The following THAP12 variants were observed in gnomAD, a reference collection of about 807,000 sequenced individuals.
THAP12 encodes the protein 52 kDa repressor of the inhibitor of the protein kinase.
In THAP12, 20 loss-of-function variants were observed where a neutral mutation model predicts 63.0. The observed-to-expected ratio is 0.32, with a 90% confidence interval of 0.22 to 0.46. The LOEUF (loss-of-function observed/expected upper bound fraction) is 0.46. Ranked by LOEUF, THAP12 falls within the 20% of genes least tolerant of loss-of-function variation. THAP12 has a pLI of 1.00. For synonymous variants in THAP12, 264 were observed against 328.4 expected (o/e 0.80, Z 2.12); for missense variants, 568 against 908.2 (o/e 0.63, Z 4.81).
In THAP12 at chr11:76,350,507, C is replaced by G. The variant is rs1206076236; in HGVS notation, c.*357G>C. 1 of 162,180 alleles carries G rather than the reference C, an allele frequency of 6.2e-6. No homozygotes were observed. The highest frequency in any genetic ancestry group is 2.4e-5 in the African/African-American group (1 of 41,904). The allele number at this position is 162,180 out of a possible 1,614,324, so 10.0% of individuals were successfully genotyped here. ...ATTTTATAAAATGTATTCCTTCCTC[C>G]CACACCTCTTCAAAATATATTTCTT... On this transcript the variant is annotated 3_prime_UTR_variant, in exon 5 of 5. Transcript: ENST00000260045.
intron 1 of THAP12, among the ~76,000 whole-genome samples, chr11:76,378,879 GA>G (rs1267697092): frequency 6.6e-6 from 1 of 152,166 alleles, no homozygotes; most frequent in Non-Finnish European, 1.5e-5. Context: ...AAAGTGCTGG[GA>G]TTACAGGTGT....
chr11:76,365,607 A>C (rs775720877), intron 2 of THAP12, among the ~76,000 whole-genome samples: 9 of 152,128 alleles, frequency 5.9e-5, no homozygotes, highest in Non-Finnish European at 1.3e-4. Context: ...GGCTGGTCTC[A>C]AACTCCTGAG....
chr11:76,380,719 G>A, intron 1 of THAP12, 29 bp downstream of exon 1: 1 of 1,386,966 alleles, frequency 7.2e-7, no homozygotes, highest in Non-Finnish European at 9.4e-7. Context: ...AGGTGGGCCC[G>A]GGCCGCCCGC....
intron 1 of THAP12, among the ~76,000 whole-genome samples, chr11:76,379,012 C>G (rs1946730657): frequency 6.6e-6 from 1 of 152,160 alleles, no homozygotes; most frequent in Non-Finnish European, 1.5e-5. Context: ...AGCAAATGCT[C>G]ACGTTAAAAA....
At chr11:76,380,406 C>T (rs1946745840) in intron 1 of THAP12, among the ~76,000 whole-genome samples, 1 of 152,154 alleles carries the variant, frequency 6.6e-6, no homozygotes. Context: ...AAACTAACGC[C>T]CAGAGAGGAA....
chr11:76,379,045 T>C (rs1298785602), intron 1 of THAP12, among the ~76,000 whole-genome samples: 42 of 152,184 alleles, frequency 2.8e-4, no homozygotes, highest in Admixed American at 2.7e-3. Flanking sequence ...CTGGGCGCGG[T>C]GGCTCAGAGC....
chr11:76,350,517 T>G lies in THAP12; in HGVS notation c.*347A>C, dbSNP rs1308919636. ...ATGTATTCCTTCCTCCCACACCTCT[T>G]CAAAATATATTTCTTCAAAGAATTC... On this transcript the variant is annotated 3_prime_UTR_variant, in exon 5 of 5. Transcript: ENST00000260045. 6.0e-6 allele frequency: 1 copy of G among 165,994 alleles called. No homozygotes were observed. The highest frequency in any genetic ancestry group is 1.7e-4 in the East Asian group (1 of 5,942). The allele number at this position is 165,994 out of a possible 1,614,324, so 10.3% of individuals were successfully genotyped here. A position where few individuals can be genotyped will look rare whatever the true frequency, so the allele number is the denominator to read the frequency against.
In THAP12 at chr11:76,352,377, T is replaced by TAC; in HGVS notation, c.772_773insGT (p.His258ArgfsTer11). On this transcript the variant is annotated frameshift_variant, in exon 5 of 5. Transcript: ENST00000260045. LOFTEE classifies it high-confidence loss of function. ...ATCGTCAGTGATAATGGAAAAGAAG[T>TAC]GTGAGTCTCTCACTTCCCTGAGAGT... 1 of 1,612,022 alleles carries TAC rather than the reference T, an allele frequency of 6.2e-7. No homozygotes were observed. The highest frequency in any genetic ancestry group is 8.5e-7 in the Non-Finnish European group (1 of 1,179,846).
At chr11:76,360,422 A>T (rs1051205405) in intron 3 of THAP12, among the ~76,000 whole-genome samples, 7 of 152,218 alleles carry the variant, frequency 4.6e-5, no homozygotes, top group African/African-American at 9.7e-5. Flanking sequence ...AGGTCAACAA[A>T]ATACAGATAG....
At chr11:76,366,680 C>T (rs530126444) in intron 1 of THAP12, among the ~76,000 whole-genome samples, 1 of 146,202 alleles carries the variant, frequency 6.8e-6, no homozygotes, top group African/African-American at 2.5e-5. Flanking sequence ...GACTCCGTCT[C>T]GGAAAAAAAA....
intron 1 of THAP12, 123 bp from the exon 2 acceptor site, chr11:76,366,095 T>C (rs528718719): frequency 8.8e-7 from 1 of 1,137,182 alleles, no homozygotes; most frequent in East Asian, 2.4e-5. Context: ...AGAACATAAT[T>C]TGGAGAATTT....
In THAP12 at chr11:76,351,779, A is replaced by G; in HGVS notation, c.1371T>C (p.Ile457=). ...CLDGINSDTN[I]RWNNYIAGRA... Reference sequence around the variant, plus strand: ...GGCCAGCTATATAGTTATTCCATCTAATATTTGTGTCACTATTTATACCAT... The same window carrying G: ...GGCCAGCTATATAGTTATTCCATCTGATATTTGTGTCACTATTTATACCAT... Residue 457 remains isoleucine (I), a synonymous_variant, in exon 5 of 5, where the codon ATT becomes ATC. Coordinates refer to ENST00000260045, the MANE Select transcript of THAP12 (RefSeq NM_004705.4). 2 of 1,613,228 alleles carry G rather than the reference A, an allele frequency of 1.2e-6. No individual in the cohort carries two copies. Among genetic ancestry groups the G allele is most frequent in the Non-Finnish European group, 1.7e-6 (2 of 1,179,474 alleles).
intron 1 of THAP12, among the ~76,000 whole-genome samples, chr11:76,372,527 A>G (rs10793156): frequency 0.43 from 65,193 of 149,950 alleles, 14,303 homozygotes; most frequent in African/African-American, 0.46. Context: ...CTCCTGCCTC[A>G]GCCTCTCAAA....
intron 2 of THAP12, among the ~76,000 whole-genome samples, chr11:76,363,744 A>G (rs1946613646): frequency 1.3e-5 from 2 of 152,116 alleles, no homozygotes; most frequent in Non-Finnish European, 1.5e-5. Flanking sequence ...GTGCACCGCC[A>G]TGCCCAGCAA....
intron 1 of THAP12, among the ~76,000 whole-genome samples, chr11:76,366,410 G>A (rs549313521): frequency 3.9e-5 from 6 of 152,332 alleles, no homozygotes; most frequent in South Asian, 4.1e-4. Context: ...TAGGCCGGGC[G>A]TGTTGTCACG....
chr11:76,363,149 AAAT>A (rs1019167677), intron 2 of THAP12, among the ~76,000 whole-genome samples: 13 of 151,830 alleles, frequency 8.6e-5, no homozygotes, highest in African/African-American at 3.1e-4. Context: ...TTTCAAAAAA[AAAT>A]AATAATAATA....
chr11:76,378,408 G>C (rs1946726048), intron 1 of THAP12, among the ~76,000 whole-genome samples: 1 of 152,158 alleles, frequency 6.6e-6, no homozygotes, highest in Non-Finnish European at 1.5e-5. Flanking sequence ...CTGGGCAACA[G>C]AGTGAGACTC....
Position 76,379,921 on chromosome 11 carries a change from T to G in THAP12, c.89+827A>C, listed in dbSNP as rs147193133. Among the ~76,000 whole-genome samples the G allele has an allele frequency of 7.2e-4, 109 of 152,322 alleles. 1 individual carries two copies. The East Asian group carries it at 0.02, about 28-fold the overall frequency. On this transcript the variant is annotated intron_variant, in intron 1 of 4. Coordinates refer to ENST00000260045, the MANE Select transcript of THAP12 (RefSeq NM_004705.4). Reference sequence around the variant, plus strand: ...GTCGCCCGTTGCTGCACCTGTTCCCTTACTGGACTGAGAGCTTTCTGCAAG... The same window carrying G: ...GTCGCCCGTTGCTGCACCTGTTCCCGTACTGGACTGAGAGCTTTCTGCAAG...
At chr11:76,375,154 T>C (rs1161706066) in intron 1 of THAP12, among the ~76,000 whole-genome samples, 1 of 152,224 alleles carries the variant, frequency 6.6e-6, no homozygotes, top group Non-Finnish European at 1.5e-5. Context: ...CAGCTCTCAA[T>C]CAGCCTTCAT....
Sources: gnomAD v4.1 joint callset for allele counts (sites outside exome capture counted in the v4.1 genomes callset) on GRCh38, gnomAD v4.1.1 for gene constraint, MANE v1.5 for transcripts, NCBI Gene and HGNC (gene_info 2026-07-23, HGNC 2026-07-21) for gene names.